Variants in TRPV1 observed in about 807,000 individuals in gnomAD.
The protein encoded by TRPV1 is OTRPC1.
In TRPV1, 82 loss-of-function variants were observed where a neutral mutation model predicts 82.3. That is an observed-to-expected ratio of 1.00 (90% CI 0.83 to 1.20). TRPV1 has a LOEUF of 1.20. TRPV1 is among the 50% of genes most tolerant of loss of function. The pLI is 0.00. For missense variants in TRPV1, 1,067 were observed against 1,096.8 expected (o/e 0.97, Z 0.38); for synonymous variants, 515 against 467.7 (o/e 1.10, Z -1.30).
At chr17:3,577,260 C>A in intron 12 of TRPV1, 68 bp from the exon 13 acceptor site, 1 of 1,518,048 alleles carries the variant, frequency 6.6e-7, no homozygotes, top group East Asian at 2.5e-5. Context: ...AGGGCCGGGC[C>A]GCATCGGCCT....
chr17:3,572,336 G>A (rs894232949), intron 14 of TRPV1, 87 bp from the exon 15 acceptor site: 1 of 1,493,834 alleles, frequency 6.7e-7, no homozygotes, highest in East Asian at 2.5e-5. Context: ...AGCTCCCCAG[G>A]GGCTCTCCCA....
chr17:3,579,623 G>T (rs1297195486), intron 11 of TRPV1, among the ~76,000 whole-genome samples: 1 of 152,094 alleles, frequency 6.6e-6, no homozygotes, highest in Non-Finnish European at 1.5e-5. Context: ...TTACAGGTGC[G>T]TGCCACCATG....
intron 8 of TRPV1, among the ~76,000 whole-genome samples, 189 bp from the exon 9 acceptor site, chr17:3,586,115 C>T (rs907916852): frequency 1.3e-5 from 2 of 152,242 alleles, no homozygotes; most frequent in South Asian, 2.1e-4. Context: ...CCGCGGCTCA[C>T]GGAGGGACCT....
chr17:3,607,231 C>G (rs2737140), intron 2 of TRPV1, among the ~76,000 whole-genome samples: 5,488 of 152,102 alleles, frequency 0.036, 118 homozygotes, highest in Middle Eastern at 0.071. Flanking sequence ...GTAATCTCAG[C>G]TACTCGGGAG....
intron 2 of TRPV1, 41 bp downstream of exon 2, chr17:3,608,386 T>G (rs749332639): frequency 1.3e-5 from 2 of 152,052 alleles, no homozygotes; most frequent in African/African-American, 2.4e-5. Flanking sequence ...GCATCACTAC[T>G]CTGGTGCTTT....
chr17:3,591,053 GTGT>G lies in TRPV1; in HGVS notation c.512_514del (p.Asn171del). The G allele has an allele frequency of 6.2e-7, 1 of 1,613,118 alleles. No individual in the cohort carries two copies. The highest frequency in any genetic ancestry group is 8.5e-7 in the Non-Finnish European group (1 of 1,179,634). ...GATCTCCAGGAGCAGGGGGATGGTG[GTGT>G]TCTGTCCGTCGTGCAGGTTGAGCAT... On this transcript the variant is annotated inframe_deletion, in exon 5 of 17. Transcript: ENST00000572705.
rs944224925 is a variant in TRPV1 at position 3,596,160 on chromosome 17, T to G, written c.-33-3777A>C. Among the ~76,000 whole-genome samples the G allele has an allele frequency of 1.8e-4, 27 of 151,976 alleles. 1 individual carries two copies. The highest frequency in any genetic ancestry group is 6.3e-4 in the African/African-American group (26 of 41,374). On this transcript the variant is annotated intron_variant, in intron 2 of 16. Coordinates refer to ENST00000572705, the MANE Select transcript of TRPV1 (RefSeq NM_080704.4). Reference sequence around the variant, plus strand: ...AGAATCGATTCTGCCCACAGAGACGTGGTATGATCTGAGTCTTTCTCAACT... The same window carrying G: ...AGAATCGATTCTGCCCACAGAGACGGGGTATGATCTGAGTCTTTCTCAACT...
chr17:3,570,416 T>C (rs1286250159), intron 16 of TRPV1, among the ~76,000 whole-genome samples: 2 of 152,004 alleles, frequency 1.3e-5, no homozygotes, highest in Non-Finnish European at 2.9e-5. Flanking sequence ...TGGTGAGTGT[T>C]GTACAATAAT....
Position 3,590,012 on chromosome 17 carries a change from G to C in TRPV1, c.839C>G (p.Ala280Gly). 1 of 1,564,582 alleles carries C rather than the reference G, an allele frequency of 6.4e-7. No homozygotes were observed. The highest frequency in any genetic ancestry group is 8.7e-7 in the Non-Finnish European group (1 of 1,155,226). The part of the protein sequence containing the change: ...QNSWQTADIS[A>G]RDSVGNTVLH... ...CACCGTGTTGCCCACCGAGTCCCTG[G>C]CGCTGATGTCGGCCGTCTGCCAGGA... Residue 280 changes from alanine to glycine, a missense_variant, in exon 7 of 17, where the codon GCC becomes GGC. Transcript: ENST00000572705.
At chr17:3,577,496 C>A in intron 12 of TRPV1, 102 bp downstream of exon 12, 1 of 1,399,486 alleles carries the variant, frequency 7.1e-7, no homozygotes, top group Non-Finnish European at 9.8e-7. Flanking sequence ...CCAGCCCCTT[C>A]CCAGGCACGA....
chr17:3,606,726 T>C (rs1567678484), intron 2 of TRPV1, among the ~76,000 whole-genome samples: 1 of 152,128 alleles, frequency 6.6e-6, no homozygotes, highest in African/African-American at 2.4e-5. Flanking sequence ...GCCCTGTTTA[T>C]TGACAAACTG....
chr17:3,590,092 C>A lies in TRPV1; in HGVS notation c.759G>T (p.Leu253=). 6.2e-7 allele frequency: 1 copy of A among 1,606,810 alleles called. No homozygotes were observed. Among genetic ancestry groups the A allele is most frequent in the Non-Finnish European group, 8.5e-7 (1 of 1,176,244 alleles). ...RPGFYFGELP[L]SLAACTNQLG... ...GCTGGTTGGTGCACGCGGCCAGGGA[C>A]AGGGGCAGTTCACCTGCATGAACAC... The change falls in exon 7 of 17, where the codon CTG becomes CTT. Residue 253 remains leucine (L), a synonymous_variant. Coordinates refer to ENST00000572705, the MANE Select transcript of TRPV1 (RefSeq NM_080704.4).
At chr17:3,584,506 T>C (rs993227475) in intron 9 of TRPV1, among the ~76,000 whole-genome samples, 1 of 149,294 alleles carries the variant, frequency 6.7e-6, no homozygotes, top group South Asian at 2.1e-4. Context: ...GTTTTTAAAG[T>C]AAATGTGCAG....
intron 2 of TRPV1, among the ~76,000 whole-genome samples, chr17:3,593,335 G>C (rs531714401): frequency 4.3e-4 from 65 of 152,206 alleles, no homozygotes; most frequent in African/African-American, 1.5e-3. Flanking sequence ...AAGTGATTTG[G>C]AGCTGGTTGG....
chr17:3,604,242 G>A lies in TRPV1; in HGVS notation c.-34+4185C>T, dbSNP rs546130931. The stretch of plus-strand genomic sequence containing the variant: ...GGCCTTGGCATGAGCTAAGGTGCAG[G>A]AGGACAGGGCTGAGGACACCTAGGC... On this transcript the variant is annotated intron_variant, in intron 2 of 16. Transcript: ENST00000572705. Among the ~76,000 whole-genome samples, 3 of 152,324 alleles carry A rather than the reference G, an allele frequency of 2.0e-5. No individual in the cohort carries two copies. The South Asian group carries it at 6.2e-4, about 32-fold the overall frequency.
chr17:3,577,155 T>C lies in TRPV1; in HGVS notation c.1751A>G (p.Tyr584Cys). 6.3e-7 allele frequency: 1 copy of C among 1,588,336 alleles called. No individual in the cohort carries two copies. Among genetic ancestry groups the C allele is most frequent in the Non-Finnish European group, 8.6e-7 (1 of 1,167,788 alleles). ...GGAAAACCCGAACAAGAAGACGATGTAGACAAACATGAAACGGCACAGGTC... is the reference window on the plus strand; with the variant it reads ...GGAAAACCCGAACAAGAAGACGATGCAGACAAACATGAAACGGCACAGGTC... ...LRDLCRFMFV[Y>C]IVFLFGFSTA... Residue 584 changes from tyrosine (Y) to cysteine (C), a missense_variant, in exon 13 of 17, where the codon TAC becomes TGC. By Grantham distance (194) the Tyr-to-Cys change is radical (BLOSUM62 -2). Transcript: ENST00000572705.
intron 16 of TRPV1, 83 bp from the exon 17 acceptor site, chr17:3,567,070 G>T: frequency 6.6e-7 from 1 of 1,510,106 alleles, no homozygotes; most frequent in Non-Finnish European, 8.9e-7. Flanking sequence ...GATAAAAGGA[G>T]GTCCAAGACA....
At chr17:3,585,669 C>T (rs1345487354) in intron 9 of TRPV1, 99 bp downstream of exon 9, 1 of 1,434,630 alleles carries the variant, frequency 7.0e-7, no homozygotes, top group Non-Finnish European at 9.4e-7. Context: ...GAGTCCAGGG[C>T]AGAGCCTGGG....
intron 3 of TRPV1, 45 bp from the exon 4 acceptor site, chr17:3,591,398 C>T (rs770360881): frequency 1.1e-5 from 17 of 1,526,758 alleles, no homozygotes; most frequent in East Asian, 2.3e-5. Flanking sequence ...GGCCTCCCCT[C>T]GGCCCTGAGG....
Sources: gnomAD v4.1 joint callset for allele counts (sites outside exome capture counted in the v4.1 genomes callset) on GRCh38, gnomAD v4.1.1 for gene constraint, MANE v1.5 for transcripts, NCBI Gene and HGNC (gene_info 2026-07-23, HGNC 2026-07-21) for gene names.